ARHGEF18: variants seen among roughly 807,000 people sequenced by gnomAD.
The protein encoded by ARHGEF18 is Rho/Rac guanine nucleotide exchange factor 18.
ARHGEF18 carries 93 observed loss-of-function variants against 155.7 expected under a neutral mutation model. The observed-to-expected ratio is 0.60, with a 90% CI of 0.50 to 0.71. The LOEUF is 0.71. Ranked by LOEUF, ARHGEF18 falls within the 30% of genes least tolerant of loss-of-function variation. ARHGEF18 has a pLI of 0.00. For missense variants in ARHGEF18, 1,593 were observed against 1,816.1 expected (o/e 0.88, Z 2.23); for synonymous variants, 742 against 753.1 (o/e 0.99, Z 0.24).
At chr19:7,377,785 CAAA>C (rs60336111) in intron 5 of ARHGEF18, among the ~76,000 whole-genome samples, 28,779 of 103,556 alleles carry the variant, frequency 0.28, 3,219 homozygotes, top group Non-Finnish European at 0.35. Flanking sequence ...GAAACCGTCT[CAAA>C]AAAAAAAAAA....
intron 15 of ARHGEF18, among the ~76,000 whole-genome samples, chr19:7,447,978 A>T (rs1258664959): frequency 2.6e-5 from 4 of 152,186 alleles, no homozygotes; most frequent in African/African-American, 9.7e-5. Flanking sequence ...TATAAGATAC[A>T]TATGTATACA....
rs1974568817 is a variant in ARHGEF18 at position 7,440,441 on chromosome 19, C to G, written c.1065C>G (p.Pro355=). ...TGACGGTCTCTCAGAAAGGGGGTCC[C>G]CAGCCAACACCGAGCCCGGCTGGCC... ...VGMTVSQKGG[P]QPTPSPAGPG... Residue 355 remains proline, a synonymous_variant, in exon 11 of 29, where the codon CCC becomes CCG. Transcript: ENST00000668164. The surrounding 1 kb of genome is among the most constrained non-coding windows in gnomAD (Gnocchi z 5.4). The G allele has an allele frequency of 1.9e-6, 3 of 1,601,152 alleles. No homozygotes were observed. The highest frequency in any genetic ancestry group is 2.5e-6 in the Non-Finnish European group (3 of 1,179,868).
chr19:7,354,372 GA>G (rs1002572080), intron 1 of ARHGEF18, among the ~76,000 whole-genome samples: 1 of 150,790 alleles, frequency 6.6e-6, no homozygotes, highest in African/African-American at 2.4e-5. Flanking sequence ...TTGGGAGGCT[GA>G]TTTGGGGCTG....
In ARHGEF18 at chr19:7,376,737, T is replaced by G; in HGVS notation, c.521T>G (p.Val174Gly). 8.1e-7 allele frequency: 1 copy of G among 1,234,426 alleles called. No homozygotes were observed. Among genetic ancestry groups the G allele is most frequent in the Non-Finnish European group, 1.0e-6 (1 of 988,192 alleles). 76.5% of individuals were successfully genotyped at this position (1,234,426 alleles called of 1,614,324 possible). A position where few individuals can be genotyped will look rare whatever the true frequency, so the allele number is the denominator to read the frequency against. Reference protein sequence around the residue: ...RSPEISPGLEVPTPPVQGLEP... With the variant: ...RSPEISPGLEGPTPPVQGLEP... ...CCGGAAATCTCTCCGGGTTTGGAAG[T>G]GCCCACTCCACCTGTTCAAGGTAGC... The change falls in exon 5 of 29, where the codon GTG becomes GGG. Residue 174 changes from valine to glycine, a missense_variant. By Grantham distance (109) the Val-to-Gly change is moderately radical. Transcript: ENST00000668164.
chr19:7,415,352 C>A (rs937944492), intron 10 of ARHGEF18, among the ~76,000 whole-genome samples: 1 of 152,070 alleles, frequency 6.6e-6, no homozygotes, highest in African/African-American at 2.4e-5. Context: ...CTCTGCCCCC[C>A]ACTTCATGGC....
intron 10 of ARHGEF18, among the ~76,000 whole-genome samples, chr19:7,422,988 G>A (rs1973452451): frequency 6.6e-6 from 1 of 151,880 alleles, no homozygotes; most frequent in Non-Finnish European, 1.5e-5. Flanking sequence ...CAAAGTGCTG[G>A]GATTACAGTC....
downstream of ARHGEF18, among the ~76,000 whole-genome samples, chr19:7,474,196 G>T (rs933328932): frequency 6.6e-6 from 1 of 151,840 alleles, no homozygotes; most frequent in Non-Finnish European, 1.5e-5. Context: ...AAAATCAGCC[G>T]GGCGTGGTGG....
chr19:7,366,227 G>T (rs894441184), intron 2 of ARHGEF18, among the ~76,000 whole-genome samples: 1 of 152,188 alleles, frequency 6.6e-6, no homozygotes, highest in Non-Finnish European at 1.5e-5. Context: ...GATTACAGGC[G>T]TGAGCCACGG....
rs1207543438 is a variant in ARHGEF18 at position 7,367,866 on chromosome 19, ATT to A, written c.16-4942_16-4941del. Among the ~76,000 whole-genome samples the A allele has an allele frequency of 2.2e-4, 23 of 106,096 alleles. 3 individuals carry two copies. Among genetic ancestry groups the A allele is most frequent in the Non-Finnish European group, 3.3e-4 (19 of 57,696 alleles). The allele number at this position is 106,096 out of a possible 152,430, so 69.6% of individuals were successfully genotyped here. ...TTTATATATATATATACACATATAT[ATT>A]TTTATATATATATATTTTATATATA... On this transcript the variant is annotated intron_variant, in intron 2 of 28. Transcript: ENST00000668164.
intron 10 of ARHGEF18, among the ~76,000 whole-genome samples, chr19:7,429,947 G>A (rs533164654): frequency 3.7e-4 from 56 of 151,062 alleles, no homozygotes; most frequent in African/African-American, 1.2e-3. Context: ...TTTTTAAATC[G>A]ACTTGTGCCT....
chr19:7,446,112 C>T (rs569116595), intron 14 of ARHGEF18, among the ~76,000 whole-genome samples: 3 of 152,252 alleles, frequency 2.0e-5, no homozygotes, highest in African/African-American at 7.2e-5. Context: ...GAAAATGGAA[C>T]TGCAGCCAGG....
In ARHGEF18 at chr19:7,442,032, A is replaced by AAAGAC; in HGVS notation, c.1345_1349dup (p.Val451LysfsTer7). 1 of 1,614,058 alleles carries AAAGAC rather than the reference A, an allele frequency of 6.2e-7. No individual in the cohort carries two copies. Among genetic ancestry groups the AAAGAC allele is most frequent in the Non-Finnish European group, 8.5e-7 (1 of 1,180,014 alleles). ...AAGAAGCAAAAGAGGGAGGTGGTGA[A>AAAGAC]AAGACAAGATGTCCTTTATGGTGAG... On this transcript the variant is annotated frameshift_variant, in exon 13 of 29. Transcript: ENST00000668164. LOFTEE classifies it high-confidence loss of function.
Position 7,447,170 on chromosome 19 carries a change from T to C in ARHGEF18, c.1737+2T>C. ...AAGAAATTTCAAAACTTGATCAAGG[T>C]AAAAACAATTTTTTTTTTTAATCAA... On this transcript the variant is annotated splice_donor_variant, in intron 15 of 28. Transcript: ENST00000668164. LOFTEE classifies it high-confidence loss of function. The C allele has an allele frequency of 6.2e-7, 1 of 1,607,456 alleles. No homozygotes were observed. The highest frequency in any genetic ancestry group is 8.5e-7 in the Non-Finnish European group (1 of 1,176,966).
chr19:7,426,849 T>C (rs1330400944), intron 10 of ARHGEF18, among the ~76,000 whole-genome samples: 1 of 152,180 alleles, frequency 6.6e-6, no homozygotes, highest in East Asian at 1.9e-4. Flanking sequence ...TTGGTTTCCA[T>C]GGAGAATGCA....
In ARHGEF18 at chr19:7,372,943, C is replaced by T; in HGVS notation, c.147C>T (p.Thr49=). ...CTTCCCACAGCCAGCCTGGGGAGAC[C>T]CCAGACAGCCGCCCCACCGGTGAAG... ...GAPSHSQPGE[T]PDSRPTGEEP... is the part of the protein sequence containing the mutation. The change falls in exon 3 of 29, where the codon ACC becomes ACT. Residue 49 remains threonine (T), a synonymous_variant. Coordinates refer to ENST00000668164, the MANE Select transcript of ARHGEF18 (RefSeq NM_001367823.1). The T allele has an allele frequency of 8.1e-7, 1 of 1,234,600 alleles. No individual in the cohort carries two copies. The highest frequency in any genetic ancestry group is 4.2e-5 in the Admixed American group (1 of 23,728). 76.5% of individuals were successfully genotyped at this position (1,234,600 alleles called of 1,614,324 possible).
chr19:7,477,065 G>C (rs2145942499), downstream of ARHGEF18: 1 of 793,188 alleles, frequency 1.3e-6, no homozygotes, highest in South Asian at 2.7e-5. Flanking sequence ...CCTCGCATCA[G>C]TCCCTCCACC....
intron 3 of ARHGEF18, among the ~76,000 whole-genome samples, chr19:7,373,962 T>C (rs781202225): frequency 2.6e-5 from 4 of 151,120 alleles, no homozygotes; most frequent in Non-Finnish European, 5.9e-5. Flanking sequence ...AGTTTTACCA[T>C]GTTGGCCAGA....
chr19:7,353,049 T>A lies in ARHGEF18; in HGVS notation c.-111+3808T>A, dbSNP rs1348305978. Among the ~76,000 whole-genome samples the A allele has an allele frequency of 3.3e-5, 5 of 150,144 alleles. No homozygotes were observed. In the East Asian group the frequency reaches 1.0e-3, roughly 30 times the overall value. ...CGGGGTTTCACCATGTTGGCCAGGCTGGTCTCGAACTCCTGACCTCCAGTG... is the reference window on the plus strand; with the variant it reads ...CGGGGTTTCACCATGTTGGCCAGGCAGGTCTCGAACTCCTGACCTCCAGTG... On this transcript the variant is annotated intron_variant, in intron 1 of 28. Coordinates refer to ENST00000668164, the MANE Select transcript of ARHGEF18 (RefSeq NM_001367823.1).
chr19:7,380,109 T>G (rs1600234360), intron 7 of ARHGEF18, among the ~76,000 whole-genome samples: 1 of 146,370 alleles, frequency 6.8e-6, no homozygotes, highest in African/African-American at 2.5e-5. Context: ...GTCCAGGCAG[T>G]GAAGGCTGCC....
Sources: gnomAD v4.1 joint callset for allele counts (sites outside exome capture counted in the v4.1 genomes callset) on GRCh38, gnomAD v4.1.1 for gene constraint, Gnocchi (gnomAD v3.1) non-coding constraint, MANE v1.5 for transcripts, NCBI Gene and HGNC (gene_info 2026-07-23, HGNC 2026-07-21) for gene names.